Variants in DNAH5 observed in about 807,000 individuals in gnomAD.
DNAH5 encodes the protein dynein axonemal heavy chain 5, also known as axonemal beta dynein heavy chain 5.
A neutral mutation model predicts 518.2 loss-of-function variants in DNAH5; 372 were observed. The ratio of observed to expected loss-of-function variants is 0.72; its 90% CI spans 0.66 to 0.78. The LOEUF (loss-of-function observed/expected upper bound fraction) is 0.78. Among genes scored for constraint, DNAH5 ranks in the 30% least tolerant of loss-of-function variants. The probability of loss-of-function intolerance (pLI) is 0.00; values close to 1 mark genes in which losing one functional copy is unlikely to be tolerated. For missense variants in DNAH5, 5,523 were observed against 5,687.0 expected (o/e 0.97, Z 0.93); for synonymous variants, 2,039 against 2,025.9 (o/e 1.01, Z -0.17).
At position 13,759,034 on chromosome 5, in the gene DNAH5, T is replaced by A. The variant is rs75015907; in HGVS notation, c.10282-51A>T. On this transcript the variant is annotated intron_variant, in intron 60 of 78. Transcript: ENST00000265104. Reference sequence around the variant, plus strand: ...GAGATGGGCAGCCAACCTCAAAACATCCTGCATTTCAGGGTCTGAGAACTC... The same window carrying A: ...GAGATGGGCAGCCAACCTCAAAACAACCTGCATTTCAGGGTCTGAGAACTC... 396 of 1,611,368 alleles carry A rather than the reference T, an allele frequency of 2.5e-4. 8 individuals carry two copies. The East Asian group carries it at 4.7e-3, about 19-fold the overall frequency.
intron 50 of DNAH5, among the ~76,000 whole-genome samples, chr5:13,790,734 C>T (rs1193677717): frequency 6.6e-6 from 1 of 152,164 alleles, no homozygotes; most frequent in African/African-American, 2.4e-5. Context: ...CCTGAGGCCT[C>T]CCCAGACATG....
intron 51 of DNAH5, 99 bp downstream of exon 51, chr5:13,788,616 TA>T (rs1240040371): frequency 9.9e-7 from 1 of 1,011,866 alleles, no homozygotes; most frequent in African/African-American, 1.6e-5. Flanking sequence ...TAAAGTTTAC[TA>T]GAAAGAAACT....
chr5:13,845,899 T>C (rs1765932546), intron 31 of DNAH5, among the ~76,000 whole-genome samples: 1 of 150,842 alleles, frequency 6.6e-6, no homozygotes, highest in African/African-American at 2.4e-5. Context: ...GGCATGACCT[T>C]GGCTCACTGC....
intron 65 of DNAH5, among the ~76,000 whole-genome samples, chr5:13,750,431 T>C (rs543613931): frequency 1.3e-5 from 2 of 152,344 alleles, no homozygotes; most frequent in South Asian, 2.1e-4. Context: ...CCATTTTTCA[T>C]TGAGCATTAA....
chr5:14,005,128 A>C (rs932651178), intron 1 of DNAH5, among the ~76,000 whole-genome samples: 1 of 152,064 alleles, frequency 6.6e-6, no homozygotes, highest in Non-Finnish European at 1.5e-5. Flanking sequence ...CAAACCACTC[A>C]GTCCCCCACC....
At chr5:13,933,123 T>TGG (rs1778579923) in intron 1 of DNAH5, among the ~76,000 whole-genome samples, 2 of 151,998 alleles carry the variant, frequency 1.3e-5, no homozygotes, top group Admixed American at 6.6e-5. Flanking sequence ...CAAAATAACT[T>TGG]CTCCTGTTCA....
intron 30 of DNAH5, among the ~76,000 whole-genome samples, chr5:13,853,945 C>T (rs1010643928): frequency 1.1e-4 from 16 of 152,166 alleles, no homozygotes; most frequent in Non-Finnish European, 2.2e-4. Context: ...TTAGAAAACA[C>T]TCTTCAGGAT....
At chr5:13,815,705 G>A (rs1761364751) in intron 42 of DNAH5, among the ~76,000 whole-genome samples, 1 of 152,138 alleles carries the variant, frequency 6.6e-6, no homozygotes, top group South Asian at 2.1e-4. Context: ...GAAGGGGAGA[G>A]GTATATGAGG....
chr5:13,937,985 G>A (rs1161243438), intron 1 of DNAH5, among the ~76,000 whole-genome samples: 1 of 152,064 alleles, frequency 6.6e-6, no homozygotes, highest in East Asian at 1.9e-4. Context: ...TCCATTACCT[G>A]TGGTCAACCT....
intron 46 of DNAH5, among the ~76,000 whole-genome samples, chr5:13,808,676 T>C (rs1304856379): frequency 6.6e-6 from 1 of 152,184 alleles, no homozygotes; most frequent in South Asian, 2.1e-4. Context: ...ATGCTTCATG[T>C]TGGCTGGGCA....
chr5:13,952,127 A>G (rs1023348154), intron 1 of DNAH5, among the ~76,000 whole-genome samples: 64 of 31,388 alleles, frequency 2.0e-3, no homozygotes, highest in African/African-American at 5.8e-3. Flanking sequence ...TCAGAAGCAC[A>G]TTAATTAACT....
intron 31 of DNAH5, among the ~76,000 whole-genome samples, chr5:13,848,129 T>A (rs372962644): frequency 1.1e-4 from 17 of 152,368 alleles, no homozygotes; most frequent in African/African-American, 3.6e-4. Context: ...GCATCAATCA[T>A]TAGACAACAA....
intron 71 of DNAH5, 58 bp downstream of exon 71, chr5:13,720,942 C>T: frequency 1.2e-6 from 2 of 1,611,308 alleles, no homozygotes; most frequent in Admixed American, 1.7e-5. Context: ...TTCTGCATTG[C>T]TATTCTATAA....
At chr5:13,930,239 T>A (rs1174707409) in intron 2 of DNAH5, among the ~76,000 whole-genome samples, 1 of 152,200 alleles carries the variant, frequency 6.6e-6, no homozygotes, top group Non-Finnish European at 1.5e-5. Flanking sequence ...TGGCCCAGGA[T>A]ATCCAATGGA....
At chr5:13,698,617 T>C (rs1468740284) in intron 78 of DNAH5, among the ~76,000 whole-genome samples, 2 of 152,214 alleles carry the variant, frequency 1.3e-5, no homozygotes, top group East Asian at 1.9e-4. Context: ...ACACATGTGT[T>C]TTCTCCATAA....
intron 61 of DNAH5, among the ~76,000 whole-genome samples, chr5:13,755,270 T>C (rs1352112152): frequency 6.6e-6 from 1 of 152,108 alleles, no homozygotes; most frequent in Non-Finnish European, 1.5e-5. Context: ...CAAATATATA[T>C]ACACATGCTA....
chr5:13,870,625 T>C (rs1438199692), intron 24 of DNAH5, 142 bp downstream of exon 24: 3 of 809,192 alleles, frequency 3.7e-6, no homozygotes, highest in African/African-American at 1.7e-5. Flanking sequence ...GCTATAGGGG[T>C]TCGGTATCAT....
chr5:13,728,757 T>C (rs527376522), intron 69 of DNAH5, among the ~76,000 whole-genome samples: 1 of 152,304 alleles, frequency 6.6e-6, no homozygotes, highest in East Asian at 1.9e-4. Flanking sequence ...CTTCAACTTA[T>C]AGCTGGATAA....
At position 13,960,956 on chromosome 5, in the gene DNAH5, C is replaced by G. The variant is rs552179905; in HGVS notation, c.13-29712G>C. Among the ~76,000 whole-genome samples the G allele has an allele frequency of 7.2e-5, 11 of 152,322 alleles. No homozygotes were observed. In the South Asian group the frequency reaches 2.3e-3, roughly 32 times the overall value. ...GGAAAAGGCTGCAATAGCTTCCTAT[C>G]ATTCCCCCTACCTTCTTCAGTATCC... is the stretch of plus-strand genomic sequence containing the variant. On this transcript the variant is annotated intron_variant, in intron 1 of 78. Coordinates refer to the DNAH5 transcript ENST00000681290.
Sources: gnomAD v4.1 joint callset for allele counts (sites outside exome capture counted in the v4.1 genomes callset) on GRCh38, gnomAD v4.1.1 for gene constraint, MANE v1.5 for transcripts, NCBI Gene and HGNC (gene_info 2026-07-23, HGNC 2026-07-21) for gene names.